CNTLN: variants seen among roughly 807,000 people sequenced by gnomAD.
CNTLN encodes the protein centlein, centrosomal protein.
Under a neutral mutation model 180.0 loss-of-function variants are expected in CNTLN, and 212 were observed. The ratio of observed to expected loss-of-function variants is 1.18; its 90% CI spans 1.05 to 1.32. The LOEUF is 1.32. Ranked by LOEUF, CNTLN falls within the 40% of genes most tolerant of loss-of-function variation. CNTLN has a pLI of 0.00. For synonymous variants in CNTLN, 722 were observed against 563.1 expected, an observed-to-expected ratio of 1.28 and a Z score of -3.99; for missense variants, 2,095 against 1,610.9, an observed-to-expected ratio of 1.30 and a Z score of -5.14.
chr9:17,214,113 A>G (rs1203619021), intron 2 of CNTLN, among the ~76,000 whole-genome samples: 1 of 151,998 alleles, frequency 6.6e-6, no homozygotes, highest in East Asian at 1.9e-4. Context: ...TTAGCTGGTT[A>G]TTTTGCTTAT....
intron 5 of CNTLN, among the ~76,000 whole-genome samples, chr9:17,244,657 A>G (rs565351607): frequency 6.6e-6 from 1 of 152,180 alleles, no homozygotes; most frequent in East Asian, 1.9e-4. Context: ...ATTGATAAGT[A>G]AGGACTTACT....
chr9:17,448,817 G>A (rs1450176522), intron 18 of CNTLN, among the ~76,000 whole-genome samples: 1 of 152,152 alleles, frequency 6.6e-6, no homozygotes, highest in Non-Finnish European at 1.5e-5. Flanking sequence ...CAAAGAGGGT[G>A]AAGGAAGAAT....
At chr9:17,456,353 A>G (rs771007267) in intron 18 of CNTLN, among the ~76,000 whole-genome samples, 2 of 152,170 alleles carry the variant, frequency 1.3e-5, no homozygotes, top group Non-Finnish European at 2.9e-5. Flanking sequence ...TAGATTATAA[A>G]GCTAAAATAT....
chr9:17,143,336 A>C lies in CNTLN; in HGVS notation c.409A>C (p.Asn137His). ...WSLWKRLQVT[N>H]PDLTQVVSLV... ...TTTGTGGAAACGTCTCCAGGTTACA[A>C]ACCCAGATCTCACACAAGTGGTCAG... The change falls in exon 2 of 26, where the codon AAC (asparagine) becomes CAC (histidine). Residue 137 changes from asparagine (N) to histidine (H), a missense_variant. Transcript: ENST00000380647. The C allele has an allele frequency of 6.2e-7, 1 of 1,613,784 alleles. No homozygotes were observed. The highest frequency in any genetic ancestry group is 1.1e-5 in the South Asian group (1 of 91,046).
At chr9:17,327,460 A>G (rs1473719513) in intron 8 of CNTLN, among the ~76,000 whole-genome samples, 3 of 149,554 alleles carry the variant, frequency 2.0e-5, no homozygotes, top group Non-Finnish European at 4.4e-5. Flanking sequence ...CTGGGATTAC[A>G]GGCATGAGCC....
intron 2 of CNTLN, among the ~76,000 whole-genome samples, chr9:17,191,162 T>G (rs764228495): frequency 6.6e-6 from 1 of 152,224 alleles, no homozygotes; most frequent in Non-Finnish European, 1.5e-5. Flanking sequence ...ATAGGATATG[T>G]GAGCCTTTTG....
intron 2 of CNTLN, among the ~76,000 whole-genome samples, chr9:17,210,555 T>G (rs112939671): frequency 0.026 from 3,954 of 152,272 alleles, 174 homozygotes; most frequent in African/African-American, 0.089. Context: ...GTAGAATGAT[T>G]TATAATCTTT....
intron 18 of CNTLN, among the ~76,000 whole-genome samples, chr9:17,433,825 C>T (rs1267453649): frequency 2.0e-5 from 3 of 152,174 alleles, no homozygotes; most frequent in Admixed American, 2.0e-4. Flanking sequence ...AAGCAGTCCT[C>T]TCACCTTGGC....
At chr9:17,222,716 T>C (rs1031896854) in intron 2 of CNTLN, among the ~76,000 whole-genome samples, 4 of 152,076 alleles carry the variant, frequency 2.6e-5, no homozygotes, top group Admixed American at 6.6e-5. Flanking sequence ...TATTGCTAAA[T>C]CCAACAGTCA....
At chr9:17,358,038 A>T (rs1413870343) in intron 12 of CNTLN, among the ~76,000 whole-genome samples, 2 of 152,050 alleles carry the variant, frequency 1.3e-5, no homozygotes, top group African/African-American at 4.8e-5. Context: ...AAAAGTTTTA[A>T]ATTTGGTAAT....
chr9:17,272,096 C>T (rs1827990669), intron 5 of CNTLN, among the ~76,000 whole-genome samples: 1 of 120,606 alleles, frequency 8.3e-6, no homozygotes, highest in Non-Finnish European at 1.6e-5. Flanking sequence ...TCCTTTCTTT[C>T]CCTCCCTCCC....
chr9:17,352,406 ATATATATATATTT>A (rs1168494986), intron 12 of CNTLN, among the ~76,000 whole-genome samples: 3,151 of 129,600 alleles, frequency 0.024, 91 homozygotes, highest in African/African-American at 0.07. Context: ...ATATATATAT[ATATATATATATTT>A]TTTTTTTTTT....
At chr9:17,172,430 G>A (rs1820477442) in intron 2 of CNTLN, among the ~76,000 whole-genome samples, 1 of 151,978 alleles carries the variant, frequency 6.6e-6, no homozygotes. Context: ...TCCTTTCTGT[G>A]CAGTTATTCA....
chr9:17,318,617 A>C (rs1465941398), intron 8 of CNTLN, among the ~76,000 whole-genome samples: 1 of 152,182 alleles, frequency 6.6e-6, no homozygotes, highest in Non-Finnish European at 1.5e-5. Context: ...TGAATTTGCT[A>C]TTTTTTGAGG....
intron 13 of CNTLN, among the ~76,000 whole-genome samples, chr9:17,373,575 A>G (rs190200989): frequency 1.4e-3 from 214 of 152,276 alleles, no homozygotes; most frequent in African/African-American, 4.9e-3. Flanking sequence ...CTACAGATTT[A>G]ATGCAAGCCC....
At chr9:17,270,192 AGTTT>A (rs1827830531) in intron 5 of CNTLN, among the ~76,000 whole-genome samples, 1 of 152,032 alleles carries the variant, frequency 6.6e-6, no homozygotes, top group Admixed American at 6.6e-5. Context: ...ATATAAAACC[AGTTT>A]GTTCTTGATT....
At chr9:17,209,920 A>AT (rs1823173828) in intron 2 of CNTLN, among the ~76,000 whole-genome samples, 1 of 152,114 alleles carries the variant, frequency 6.6e-6, no homozygotes, top group African/African-American at 2.4e-5. Flanking sequence ...AAAAGTAAAT[A>AT]TTTTTCCATC....
intron 12 of CNTLN, among the ~76,000 whole-genome samples, chr9:17,353,018 A>G (rs1157689907): frequency 1.3e-5 from 2 of 152,238 alleles, no homozygotes. Context: ...GCTGCTATGA[A>G]CATTTGTATA....
intron 3 of CNTLN, among the ~76,000 whole-genome samples, chr9:17,230,097 C>T (rs1403670591): frequency 6.6e-6 from 1 of 152,128 alleles, no homozygotes; most frequent in African/African-American, 2.4e-5. Flanking sequence ...TGTGTACAGC[C>T]AGACAATGGA....
Sources: gnomAD v4.1 joint callset for allele counts (sites outside exome capture counted in the v4.1 genomes callset) on GRCh38, gnomAD v4.1.1 for gene constraint, MANE v1.5 for transcripts, NCBI Gene and HGNC (gene_info 2026-07-23, HGNC 2026-07-21) for gene names.